COL27A1: variants seen among roughly 807,000 people sequenced by gnomAD.
COL27A1 encodes collagen alpha-1(XXVII) chain.
COL27A1 carries 106 observed loss-of-function variants against 251.3 expected under a neutral mutation model. The observed-to-expected ratio is 0.42, with a 90% CI of 0.36 to 0.50. COL27A1 has a LOEUF of 0.50. Among genes scored for constraint, COL27A1 ranks in the 20% least tolerant of loss-of-function variants. COL27A1 has a pLI of 0.00. For synonymous variants in COL27A1, 1,000 were observed against 986.3 expected, an observed-to-expected ratio of 1.01 and a Z score of -0.26; for missense variants, 2,325 against 2,522.8, an observed-to-expected ratio of 0.92 and a Z score of 1.68.
At chr9:114,259,838 G>C (rs977990330) in intron 28 of COL27A1, among the ~76,000 whole-genome samples, 1 of 152,192 alleles carries the variant, frequency 6.6e-6, no homozygotes, top group Non-Finnish European at 1.5e-5. Context: ...GCTCCATACG[G>C]GGGGATCTGT....
intron 55 of COL27A1, 42 bp downstream of exon 55, chr9:114,301,759 G>T (rs77822045): frequency 6.3e-7 from 1 of 1,593,758 alleles, no homozygotes; most frequent in Non-Finnish European, 8.6e-7. Flanking sequence ...CTCCTGGGGG[G>T]TTCCTTTGAA....
chr9:114,288,000 C>G (rs747982767), intron 41 of COL27A1, among the ~76,000 whole-genome samples: 9 of 152,206 alleles, frequency 5.9e-5, no homozygotes, highest in Non-Finnish European at 1.2e-4. Context: ...GGTGTTACTC[C>G]CTGCCGGGCG....
chr9:114,156,008 G>A lies in COL27A1; in HGVS notation c.58G>A (p.Gly20Arg). 1.5e-6 allele frequency: 2 copies of A among 1,297,042 alleles called. No individual in the cohort carries two copies. Among genetic ancestry groups the A allele is most frequent in the Non-Finnish European group, 2.0e-6 (2 of 1,019,400 alleles). The allele number at this position is 1,297,042 out of a possible 1,614,324, so 80.3% of individuals were successfully genotyped here. A position where few individuals can be genotyped will look rare whatever the true frequency, so the allele number is the denominator to read the frequency against. ...CACAGCGGCGGCGGCGGCGGCGCGC[G>A]GGGGGTGAGTACGAACTCGGGGACG... ...RGTAAAAAAR[G>R]GGFLFSWILV... Residue 20 changes from glycine to arginine, a missense_variant, in exon 1 of 61, where the codon GGG (glycine) becomes AGG (arginine). Gly to Arg is a moderately radical substitution (Grantham distance 125). Transcript: ENST00000356083.
intron 25 of COL27A1, among the ~76,000 whole-genome samples, chr9:114,251,046 G>C (rs146807425): frequency 6.4e-4 from 97 of 152,272 alleles, no homozygotes; most frequent in African/African-American, 2.3e-3. Flanking sequence ...TGAGATAACA[G>C]AGGCTCAAAT....
At chr9:114,277,220 G>C (rs1422329823) in intron 37 of COL27A1, among the ~76,000 whole-genome samples, 1 of 152,126 alleles carries the variant, frequency 6.6e-6, no homozygotes, top group African/African-American at 2.4e-5. Flanking sequence ...ACCCAGGAGT[G>C]CTGGGTCGGT....
At chr9:114,282,674 T>TTTTTA in intron 39 of COL27A1, 110 bp downstream of exon 39, 1 of 671,084 alleles carries the variant, frequency 1.5e-6, no homozygotes, top group South Asian at 2.2e-5. Flanking sequence ...CCCCAGCTAT[T>TTTTTA]AGCTGAACAC....
chr9:114,292,298 C>T (rs1357124536), intron 49 of COL27A1, 88 bp downstream of exon 49: 1 of 1,016,404 alleles, frequency 9.8e-7, no homozygotes, highest in Non-Finnish European at 1.5e-6. Flanking sequence ...CATGCACACT[C>T]ATACACACAC....
intron 23 of COL27A1, among the ~76,000 whole-genome samples, chr9:114,244,583 G>A (rs936280890): frequency 3.9e-5 from 6 of 152,110 alleles, no homozygotes; most frequent in African/African-American, 4.8e-5. Context: ...CAGGGGGAGC[G>A]CAGGTCATCC....
chr9:114,158,267 A>G (rs1848257728), intron 1 of COL27A1, among the ~76,000 whole-genome samples: 1 of 152,204 alleles, frequency 6.6e-6, no homozygotes, highest in African/African-American at 2.4e-5. Context: ...CTCAGCTCAG[A>G]GCCCTCAGTG....
intron 50 of COL27A1, 128 bp downstream of exon 50, chr9:114,300,251 T>C: frequency 1.1e-6 from 1 of 905,474 alleles, no homozygotes; most frequent in Non-Finnish European, 1.7e-6. Flanking sequence ...GAATCAGGCA[T>C]GAACACCCTC....
chr9:114,197,375 C>T (rs530495821), intron 7 of COL27A1, among the ~76,000 whole-genome samples: 1 of 152,292 alleles, frequency 6.6e-6, no homozygotes, highest in South Asian at 2.1e-4. Flanking sequence ...ACCTGAGAGG[C>T]CCACCCCAGA....
At chr9:114,174,813 C>CT (rs1827278494) in intron 3 of COL27A1, among the ~76,000 whole-genome samples, 1 of 152,178 alleles carries the variant, frequency 6.6e-6, no homozygotes, top group South Asian at 2.1e-4. Context: ...AGGACAGAGG[C>CT]TAGGGAAGTC....
intron 25 of COL27A1, among the ~76,000 whole-genome samples, chr9:114,251,436 C>T (rs1174092739): frequency 6.6e-6 from 1 of 152,032 alleles, no homozygotes; most frequent in African/African-American, 2.4e-5. Context: ...CCTCGCTTCC[C>T]CCTCCTCCTC....
intron 7 of COL27A1, 51 bp from the exon 8 acceptor site, chr9:114,205,051 A>G: frequency 6.3e-7 from 1 of 1,591,158 alleles, no homozygotes; most frequent in Non-Finnish European, 8.6e-7. Context: ...TGCGATCTCC[A>G]GGACCAGATG....
chr9:114,295,622 A>G (rs542982159), intron 49 of COL27A1, among the ~76,000 whole-genome samples: 2 of 152,310 alleles, frequency 1.3e-5, no homozygotes, highest in South Asian at 2.1e-4. Context: ...AGGTCCAGAC[A>G]TATACCATAC....
chr9:114,281,306 CTG>C (rs1835884277), intron 37 of COL27A1, among the ~76,000 whole-genome samples: 1 of 152,270 alleles, frequency 6.6e-6, no homozygotes, highest in Non-Finnish European at 1.5e-5. Context: ...CTCTTTCTCT[CTG>C]TGTCTGTCTC....
chr9:114,305,006 C>T lies in COL27A1; in HGVS notation c.4938+333C>T, dbSNP rs113986933. Among the ~76,000 whole-genome samples, 454 of 152,286 alleles carry T rather than the reference C, an allele frequency of 3.0e-3. 2 individuals are homozygous for T. The highest frequency in any genetic ancestry group is 0.01 in the African/African-American group (430 of 41,556). ...TGGGCCCAGAGCCCGCAGCAGCTTC[C>T]CAGTGCTCATCCCCACGTTTCTTCA... is the stretch of plus-strand genomic sequence containing the variant. On this transcript the variant is annotated intron_variant, in intron 57 of 60. Coordinates refer to ENST00000356083, the MANE Select transcript of COL27A1 (RefSeq NM_032888.4).
At chr9:114,299,336 C>T (rs1241205120) in intron 49 of COL27A1, among the ~76,000 whole-genome samples, 2 of 152,214 alleles carry the variant, frequency 1.3e-5, no homozygotes, top group African/African-American at 2.4e-5. Context: ...GCTTGAAGGC[C>T]AAGCCCCAAG....
Position 114,237,690 on chromosome 9 carries a change from G to T in COL27A1, c.2702G>T (p.Gly901Val), listed in dbSNP as rs1368429475. The change falls in exon 19 of 61, where the codon GGG becomes GTG. Residue 901 changes from glycine to valine, a missense_variant. This residue lies in a region of COL27A1 where 662 missense variants were observed against 795.3 expected (regional missense o/e 0.83). Transcript: ENST00000356083. The part of the protein sequence containing the change: ...LGKVGDKGSI[G>V]FPGPPGPEGF... ...AAAGTCGGAGACAAAGGATCCATTG[G>T]GTTTCCCGGGCCCCCTGGACCCGAG... 1 of 1,614,032 alleles carries T rather than the reference G, an allele frequency of 6.2e-7. No homozygotes were observed. The highest frequency in any genetic ancestry group is 1.3e-5 in the African/African-American group (1 of 74,926).
Sources: gnomAD v4.1 joint callset for allele counts (sites outside exome capture counted in the v4.1 genomes callset) on GRCh38, gnomAD v4.1.1 for gene constraint, gnomAD v4.1.1 regional missense constraint, MANE v1.5 for transcripts, NCBI Gene and HGNC (gene_info 2026-07-23, HGNC 2026-07-21) for gene names.